The following SPON2 variants were observed in gnomAD, a reference collection of about 807,000 sequenced individuals.
SPON2 encodes spondin 2, also known as spondin-2.
SPON2 carries 32 observed loss-of-function variants against 29.9 expected under a neutral mutation model. The ratio of observed to expected loss-of-function variants is 1.07; its 90% CI spans 0.81 to 1.44. The LOEUF (loss-of-function observed/expected upper bound fraction) is 1.44, where lower values mean the gene tolerates loss of function less well. Ranked by LOEUF, SPON2 falls within the 40% of genes most tolerant of loss-of-function variation. The pLI is 0.00. For missense variants in SPON2, 541 were observed against 455.5 expected, an observed-to-expected ratio of 1.19 and a Z score of -1.71; for synonymous variants, 248 against 209.1, an observed-to-expected ratio of 1.19 and a Z score of -1.61.
At chr4:1,198,198 C>A (rs549836488), upstream of SPON2, among the ~76,000 whole-genome samples, 5 of 152,304 alleles carry the variant, frequency 3.3e-5, no homozygotes, top group African/African-American at 1.2e-4. Context: ...TCGGCCGGGG[C>A]AGCTGCTTCG....
intron 1 of SPON2, among the ~76,000 whole-genome samples, chr4:1,186,035 G>GC (rs1560207570): frequency 6.6e-6 from 1 of 150,760 alleles, no homozygotes; most frequent in Non-Finnish European, 1.5e-5. Context: ...ACGAGGTCAG[G>GC]AGATCGAGAC....
chr4:1,171,449 CT>C lies in SPON2; in HGVS notation c.257del (p.Lys86ArgfsTer21), dbSNP rs1560201901. ...GCAGCCCGTTACTGACGTACTGGTT[CT>C]TCCTCCACATGCTGTAGTCGGAGCT... is the stretch of plus-strand genomic sequence containing the variant. ...AHSSDYSMWRKNQYVSNGLRD... is the reference protein window; with the variant it reads ...AHSSDYSMWRXNQYVSNGLRD... On this transcript the variant is annotated frameshift_variant, in exon 3 of 6. Transcript: ENST00000290902. LOFTEE classifies it high-confidence loss of function. 1.2e-6 allele frequency: 2 copies of C among 1,612,218 alleles called. No individual in the cohort carries two copies. The highest frequency in any genetic ancestry group is 1.7e-6 in the Non-Finnish European group (2 of 1,179,750).
chr4:1,206,249 G>T (rs1459846126), intron 1 of SPON2, among the ~76,000 whole-genome samples: 2 of 151,814 alleles, frequency 1.3e-5, no homozygotes, highest in Non-Finnish European at 2.9e-5. Context: ...AGCCTCTCAG[G>T]GCACCCAGGA....
intron 5 of SPON2, among the ~76,000 whole-genome samples, chr4:1,168,635 G>C (rs976806788): frequency 1.3e-5 from 2 of 152,190 alleles, no homozygotes; most frequent in African/African-American, 4.8e-5. Flanking sequence ...GGAGCACACA[G>C]AGCTGCTGGC....
chr4:1,177,121 G>A (rs568888147), upstream of SPON2, among the ~76,000 whole-genome samples: 51 of 152,346 alleles, frequency 3.3e-4, 1 homozygote, highest in South Asian at 0.011. Flanking sequence ...CTTGCCCCAA[G>A]GTGGTTTTCA....
intron 1 of SPON2, chr4:1,194,842 C>T (rs1052289877): frequency 2.7e-5 from 4 of 149,418 alleles, no homozygotes; most frequent in Non-Finnish European, 5.9e-5. Flanking sequence ...CGGTTCCAAC[C>T]CCGCAGCCAG....
At chr4:1,207,645 G>A (rs932367893) in intron 1 of SPON2, among the ~76,000 whole-genome samples, 1 of 142,210 alleles carries the variant, frequency 7.0e-6, no homozygotes, top group African/African-American at 2.7e-5. Flanking sequence ...AGAGGGTCCG[G>A]CTGCCTAACC....
At chr4:1,200,110 G>A (rs796834172), upstream of SPON2, 3 of 152,356 alleles carry the variant, frequency 2.0e-5, no homozygotes, top group African/African-American at 7.2e-5. Flanking sequence ...GTTACCAGAC[G>A]GGCAGCCACA....
Position 1,171,248 on chromosome 4 carries a change from CG to C in SPON2, c.444+14del. The C allele has an allele frequency of 7.0e-7, 1 of 1,433,626 alleles. No homozygotes were observed. The highest frequency in any genetic ancestry group is 9.1e-7 in the Non-Finnish European group (1 of 1,104,166). 88.8% of individuals were successfully genotyped at this position (1,433,626 alleles called of 1,614,324 possible). Reference sequence around the variant, plus strand: ...CGGCCCCCCGGACCCCGCCCCCGGCCGGCCCCGCGCTCACCAGCGAGTGCCT... The same window carrying C: ...CGGCCCCCCGGACCCCGCCCCCGGCCGCCCCGCGCTCACCAGCGAGTGCCT... On this transcript the variant is annotated intron_variant, in intron 3 of 5. Transcript: ENST00000290902.
At position 1,167,088 on chromosome 4, in the gene SPON2, G is replaced by C. The variant is rs1210364932; in HGVS notation, c.*384C>G. The stretch of plus-strand genomic sequence containing the variant: ...GGGCTCAGCACAGCCTAGAGCACCA[G>C]GTCTGAGGTATCTGCAACCACGTGG... On this transcript the variant is annotated 3_prime_UTR_variant, in exon 6 of 6. Transcript: ENST00000290902. 5.3e-6 allele frequency: 1 copy of C among 189,976 alleles called. No individual in the cohort carries two copies. The highest frequency in any genetic ancestry group is 6.0e-5 in the Admixed American group (1 of 16,658). The allele number at this position is 189,976 out of a possible 1,614,324, so 11.8% of individuals were successfully genotyped here.
At chr4:1,196,141 C>T (rs1013524483), upstream of SPON2, among the ~76,000 whole-genome samples, 2 of 152,182 alleles carry the variant, frequency 1.3e-5, no homozygotes, top group Non-Finnish European at 2.9e-5. Context: ...CGAAGCACAT[C>T]GATGGGGTGC....
chr4:1,188,873 G>C (rs1370138949), intron 1 of SPON2, among the ~76,000 whole-genome samples: 1 of 152,008 alleles, frequency 6.6e-6, no homozygotes, highest in Admixed American at 6.5e-5. Context: ...AACTGCAAAG[G>C]TTGTTGTGCC....
chr4:1,199,394 T>C (rs577670248), upstream of SPON2: 7 of 152,014 alleles, frequency 4.6e-5, no homozygotes, highest in Non-Finnish European at 1.0e-4. The surrounding 1 kb of genome is among the most constrained non-coding windows in gnomAD (Gnocchi z 4.5). Context: ...TGAAACTCCA[T>C]CTCAAAAAAT....
intron 1 of SPON2, among the ~76,000 whole-genome samples, chr4:1,185,445 A>G (rs550773139): frequency 3.3e-5 from 5 of 151,866 alleles, no homozygotes; most frequent in Admixed American, 3.3e-4. Context: ...AAGTTGGTCA[A>G]GCCTGTGATC....
chr4:1,183,590 T>TTTG (rs1421526527), intron 1 of SPON2, among the ~76,000 whole-genome samples: 4 of 152,354 alleles, frequency 2.6e-5, no homozygotes, highest in Admixed American at 2.0e-4. Context: ...TTGTTCATAC[T>TTTG]TTGAGCCTAA....
chr4:1,167,795 A>C lies in SPON2; in HGVS notation c.812-139T>G, dbSNP rs567066398. On this transcript the variant is annotated intron_variant, in intron 5 of 5. Transcript: ENST00000290902. ...CGGGGGCACTTGCGTTTCTCCGCAC[A>C]GTCGCAGAGTGAGCGGCAAGATGGG... 5.9e-6 allele frequency: 5 copies of C among 852,070 alleles called. No individual in the cohort carries two copies. The East Asian group carries it at 1.1e-4, about 19-fold the overall frequency. The allele number at this position is 852,070 out of a possible 1,614,324, so 52.8% of individuals were successfully genotyped here. A position where few individuals can be genotyped will look rare whatever the true frequency, so the allele number is the denominator to read the frequency against.
chr4:1,171,367 C>A lies in SPON2; in HGVS notation c.340G>T (p.Gly114Trp), dbSNP rs756970484. 6 of 1,611,752 alleles carry A rather than the reference C, an allele frequency of 3.7e-6. No homozygotes were observed. The highest frequency in any genetic ancestry group is 5.1e-6 in the Non-Finnish European group (6 of 1,179,680). ...GCGTGCACGCTCTGCAGCGCCTCCC[C>A]CGCCGCCTCGATCTCCTTCATCAGC... ...WALMKEIEAA[G>W]EALQSVHAVF... Residue 114 changes from glycine (G) to tryptophan (W), a missense_variant, in exon 3 of 6, where the codon GGG (glycine) becomes TGG (tryptophan). Coordinates refer to ENST00000290902, the MANE Select transcript of SPON2 (RefSeq NM_012445.4).
At chr4:1,204,947 C>T (rs1318763759) in intron 1 of SPON2, 1 of 152,260 alleles carries the variant, frequency 6.6e-6, no homozygotes, top group Admixed American at 6.5e-5. Flanking sequence ...ATTCCTGACT[C>T]TGAATTTTGT....
intron 1 of SPON2, among the ~76,000 whole-genome samples, chr4:1,191,113 G>A (rs1365251869): frequency 1.4e-5 from 2 of 146,536 alleles, no homozygotes; most frequent in Non-Finnish European, 3.0e-5. Flanking sequence ...TGGAAAGTCT[G>A]ATCCTAAAAT....
Sources: gnomAD v4.1 joint callset for allele counts (sites outside exome capture counted in the v4.1 genomes callset) on GRCh38, gnomAD v4.1.1 for gene constraint, Gnocchi (gnomAD v3.1) non-coding constraint, MANE v1.5 for transcripts, NCBI Gene and HGNC (gene_info 2026-07-23, HGNC 2026-07-21) for gene names.